ANKRD11: variants seen among roughly 807,000 people sequenced by gnomAD.
ANKRD11 encodes the protein ankyrin repeat domain 11.
In ANKRD11, 17 loss-of-function variants were observed where a neutral mutation model predicts 195.7. The observed-to-expected ratio is 0.09, with a 90% CI of 0.06 to 0.13. The LOEUF is 0.13. Among genes scored for constraint, ANKRD11 ranks in the 10% least tolerant of loss-of-function variants. ANKRD11 has a pLI of 1.00. For missense variants in ANKRD11, 3,735 were observed against 3,566.1 expected, an observed-to-expected ratio of 1.05 and a Z score of -1.21; for synonymous variants, 1,953 against 1,528.1, an observed-to-expected ratio of 1.28 and a Z score of -6.49.
intron 1 of ANKRD11, among the ~76,000 whole-genome samples, chr16:89,423,337 C>G (rs2042590008): frequency 6.6e-6 from 1 of 152,250 alleles, no homozygotes. Context: ...CTAACCAGCA[C>G]CATTAACCCT....
At chr16:89,340,337 G>C (rs2038595980) in intron 2 of ANKRD11, among the ~76,000 whole-genome samples, 1 of 152,230 alleles carries the variant, frequency 6.6e-6, no homozygotes, top group African/African-American at 2.4e-5. Flanking sequence ...AAGTGCAGTG[G>C]CACCATCTCG....
intron 1 of ANKRD11, among the ~76,000 whole-genome samples, chr16:89,450,531 CTTTG>C (rs2044022977): frequency 6.6e-6 from 1 of 152,196 alleles, no homozygotes; most frequent in Non-Finnish European, 1.5e-5. Flanking sequence ...TCTAGACCCG[CTTTG>C]TTTTAGTACT....
chr16:89,280,850 G>T lies in ANKRD11; in HGVS notation c.5692C>A (p.Leu1898Met). 1 of 1,603,560 alleles carries T rather than the reference G, an allele frequency of 6.2e-7. No homozygotes were observed. The highest frequency in any genetic ancestry group is 2.2e-5 in the East Asian group (1 of 44,556). Reference protein sequence around the residue: ...AKPSPSPRAELLVPSLEGALP... With the variant: ...AKPSPSPRAEMLVPSLEGALP... ...GCCCCTTCGAGGGAAGGAACCAGCAGCTCGGCTCTGGGGGAAGGGGAAGGT... is the reference window on the plus strand; with the variant it reads ...GCCCCTTCGAGGGAAGGAACCAGCATCTCGGCTCTGGGGGAAGGGGAAGGT... Residue 1898 changes from leucine to methionine, a missense_variant, in exon 9 of 13, where the codon CTG becomes ATG. Transcript: ENST00000301030.
At chr16:89,452,761 C>CA (rs1240675480) in intron 1 of ANKRD11, among the ~76,000 whole-genome samples, 2 of 109,634 alleles carry the variant, frequency 1.8e-5, no homozygotes, top group Non-Finnish European at 3.4e-5. Flanking sequence ...GCCTAGGCAA[C>CA]AGAGAGAGAC....
chr16:89,364,041 G>A (rs1470690788), intron 2 of ANKRD11, among the ~76,000 whole-genome samples: 4 of 151,506 alleles, frequency 2.6e-5, no homozygotes, highest in Admixed American at 6.6e-5. Flanking sequence ...TTCCTGCCCA[G>A]CCGACCAAGT....
intron 3 of ANKRD11, among the ~76,000 whole-genome samples, chr16:89,316,320 G>C (rs1185298576): frequency 6.6e-6 from 1 of 152,108 alleles, no homozygotes; most frequent in Admixed American, 6.5e-5. Context: ...GCACACCCCA[G>C]AACTCGGCGT....
At chr16:89,442,436 T>G (rs2152296681) in intron 1 of ANKRD11, among the ~76,000 whole-genome samples, 1 of 152,272 alleles carries the variant, frequency 6.6e-6, no homozygotes, top group South Asian at 2.1e-4. Flanking sequence ...CCATTTTGGC[T>G]CAAGCTGGAT....
chr16:89,415,738 G>A (rs910611796), intron 2 of ANKRD11, among the ~76,000 whole-genome samples: 2 of 146,334 alleles, frequency 1.4e-5, no homozygotes, highest in African/African-American at 5.1e-5. Flanking sequence ...TGAGGCAGGA[G>A]AAACTCTTGA....
chr16:89,470,718 G>A (rs372761013), intron 1 of ANKRD11, among the ~76,000 whole-genome samples: 42 of 150,428 alleles, frequency 2.8e-4, no homozygotes, highest in East Asian at 2.2e-3. Context: ...GGCCGGGCGC[G>A]GTGGCTCATG....
intron 7 of ANKRD11, 62 bp from the exon 8 acceptor site, chr16:89,286,248 G>A (rs566345077): frequency 6.6e-5 from 106 of 1,595,214 alleles, no homozygotes; most frequent in African/African-American, 5.5e-4. Context: ...CTACCGTTCC[G>A]CATAACACGG....
At chr16:89,293,753 G>A (rs920852315) in intron 4 of ANKRD11, among the ~76,000 whole-genome samples, 4 of 148,150 alleles carry the variant, frequency 2.7e-5, no homozygotes, top group Non-Finnish European at 4.5e-5. Flanking sequence ...GAGCTGGGGC[G>A]GTGTTGGGAG....
intron 7 of ANKRD11, chr16:89,286,850 T>C (rs751523987): frequency 2.3e-6 from 3 of 1,287,666 alleles, no homozygotes; most frequent in Non-Finnish European, 3.0e-6. Context: ...TGAACTCAAG[T>C]ACAAATTAAA....
In ANKRD11 at chr16:89,281,626, G is replaced by A. The variant is rs1476873558; in HGVS notation, c.4916C>T (p.Ala1639Val). The change falls in exon 9 of 13, where the codon GCT becomes GTT. Residue 1639 changes from alanine to valine, a missense_variant. By Grantham distance (64) the Ala-to-Val change is moderately conservative. Transcript: ENST00000301030. This position sits in a 1 kb window ranked among gnomAD's most constrained non-coding sequence, Gnocchi z 5.5. Reference sequence around the variant, plus strand: ...AGGGTCCAGCCCCGGCGGTTTCTTAGCAGGAATGTCCAGACCCTTCTTCCG... The same window carrying A: ...AGGGTCCAGCCCCGGCGGTTTCTTAACAGGAATGTCCAGACCCTTCTTCCG... Reference protein sequence around the residue: ...DGRKKGLDIPAKKPPGLDPPF... With the variant: ...DGRKKGLDIPVKKPPGLDPPF... 3.1e-6 allele frequency: 5 copies of A among 1,614,186 alleles called. No individual in the cohort carries two copies. Among genetic ancestry groups the A allele is most frequent in the Non-Finnish European group, 4.2e-6 (5 of 1,180,038 alleles).
intron 9 of ANKRD11, among the ~76,000 whole-genome samples, chr16:89,275,998 A>G (rs2033621854): frequency 6.6e-6 from 1 of 152,220 alleles, no homozygotes; most frequent in African/African-American, 2.4e-5. Flanking sequence ...GCTCGGGGCC[A>G]CAGCAGTCGT....
chr16:89,456,627 GCAT>G (rs2056450091), intron 1 of ANKRD11, among the ~76,000 whole-genome samples: 1 of 151,484 alleles, frequency 6.6e-6, no homozygotes, highest in South Asian at 2.1e-4. Context: ...AGACAATGCA[GCAT>G]TATTCACAAG....
chr16:89,333,311 G>C (rs1162042805), intron 2 of ANKRD11, among the ~76,000 whole-genome samples: 1 of 152,204 alleles, frequency 6.6e-6, no homozygotes, highest in Non-Finnish European at 1.5e-5. Flanking sequence ...TGCACCCCCG[G>C]GCTCAGCATC....
At chr16:89,469,194 GA>G (rs1308725849) in intron 1 of ANKRD11, among the ~76,000 whole-genome samples, 1 of 151,674 alleles carries the variant, frequency 6.6e-6, no homozygotes, top group African/African-American at 2.4e-5. Flanking sequence ...AAAAAAAGAG[GA>G]AAAAAAAGAA....
intron 2 of ANKRD11, among the ~76,000 whole-genome samples, chr16:89,365,965 G>C (rs964700087): frequency 1.3e-5 from 2 of 151,978 alleles, no homozygotes; most frequent in East Asian, 3.9e-4. Flanking sequence ...GCAGTATTTG[G>C]TTTTCTGTCC....
At chr16:89,465,741 C>G (rs981323003) in intron 1 of ANKRD11, among the ~76,000 whole-genome samples, 1 of 152,160 alleles carries the variant, frequency 6.6e-6, no homozygotes, top group African/African-American at 2.4e-5. Flanking sequence ...GTCGGAGTCT[C>G]GCTCTGTCGC....
Sources: allele counts gnomAD v4.1 joint callset (sites outside exome capture counted in the v4.1 genomes callset), GRCh38; gene constraint gnomAD v4.1.1; non-coding constraint Gnocchi (gnomAD v3.1); transcripts MANE v1.5; gene names NCBI Gene and HGNC (gene_info 2026-07-23, HGNC 2026-07-21).